The following SAP30BP variants were observed in gnomAD, a reference collection of about 807,000 sequenced individuals.
SAP30BP encodes SAP30-binding protein.
A neutral mutation model predicts 46.3 loss-of-function variants in SAP30BP; 31 were observed. The ratio of observed to expected loss-of-function variants is 0.67; its 90% CI spans 0.50 to 0.90. SAP30BP has a LOEUF of 0.90. Among genes scored for constraint, SAP30BP ranks in the 40% least tolerant of loss-of-function variants. The pLI is 0.00. For missense variants in SAP30BP, 312 were observed against 391.0 expected, an observed-to-expected ratio of 0.80 and a Z score of 1.70; for synonymous variants, 169 against 144.2, an observed-to-expected ratio of 1.17 and a Z score of -1.23.
intron 3 of SAP30BP, chr17:75,691,702 T>C (rs58765618): frequency 0.062 from 21,104 of 339,666 alleles, 2,248 homozygotes; most frequent in East Asian, 0.38. Context: ...GAGTGGGGGC[T>C]GGAGGGAGAG....
intron 3 of SAP30BP, among the ~76,000 whole-genome samples, chr17:75,674,628 T>G (rs772948877): frequency 6.6e-5 from 10 of 151,942 alleles, no homozygotes; most frequent in Admixed American, 6.6e-4. Context: ...TAACAATATT[T>G]TTTATATTCA....
intron 3 of SAP30BP, among the ~76,000 whole-genome samples, chr17:75,678,199 T>G (rs191036986): frequency 6.6e-6 from 1 of 152,222 alleles, no homozygotes; most frequent in African/African-American, 2.4e-5. Flanking sequence ...CTCATTTATT[T>G]TAAGGTTCAA....
chr17:75,690,060 T>C (rs1275313171), intron 3 of SAP30BP, among the ~76,000 whole-genome samples: 1 of 152,206 alleles, frequency 6.6e-6, no homozygotes, highest in Non-Finnish European at 1.5e-5. Context: ...ACCTTACTTA[T>C]CATTACACAA....
At chr17:75,678,050 T>G (rs1391709575) in intron 3 of SAP30BP, among the ~76,000 whole-genome samples, 1 of 152,140 alleles carries the variant, frequency 6.6e-6, no homozygotes, top group African/African-American at 2.4e-5. Flanking sequence ...GAGGGTGGGT[T>G]AGTATTCAGA....
At chr17:75,693,530 G>T (rs770608126) in intron 4 of SAP30BP, 48 bp downstream of exon 4, 2 of 1,585,966 alleles carry the variant, frequency 1.3e-6, no homozygotes, top group South Asian at 2.2e-5. Flanking sequence ...CTTGCTCCTA[G>T]CAGCCTGGCT....
In SAP30BP at chr17:75,704,862, A is replaced by G. The variant is rs762426837; in HGVS notation, c.660+48A>G. The G allele has an allele frequency of 1.1e-5, 16 of 1,460,834 alleles. No homozygotes were observed. The African/African-American group carries it at 1.8e-4, about 17-fold the overall frequency. The allele number at this position is 1,460,834 out of a possible 1,614,324, so 90.5% of individuals were successfully genotyped here. A position where few individuals can be genotyped will look rare whatever the true frequency, so the allele number is the denominator to read the frequency against. ...GATGAAAAAGGCACATGTGGAGTGC[A>G]TGGGTCCTGCTGGCTGAGCCCAGAA... On this transcript the variant is annotated intron_variant, in intron 9 of 10. Transcript: ENST00000584667.
rs148987774 is a variant in SAP30BP, at chr17:75,706,371, G to A, written c.777G>A (p.Ser259=). 119 of 1,613,776 alleles carry A rather than the reference G, an allele frequency of 7.4e-5. 1 individual carries two copies. The African/African-American group carries it at 1.1e-3, about 16-fold the overall frequency. Residue 259 remains serine, a synonymous_variant, in exon 11 of 11, where the codon TCG becomes TCA. Transcript: ENST00000584667. The surrounding 1 kb of genome is among the most constrained non-coding windows in gnomAD (Gnocchi z 4.6). The part of the protein sequence containing the change: ...DAQKRKSKWD[S]AIPVTTIAQP... Reference sequence around the variant, plus strand: ...AGAAGAGAAAGAGCAAGTGGGATTCGGCTATCCCAGTGACAACGATAGCCC... The same window carrying A: ...AGAAGAGAAAGAGCAAGTGGGATTCAGCTATCCCAGTGACAACGATAGCCC...
chr17:75,668,633 A>G lies in SAP30BP; in HGVS notation c.216+8A>G, dbSNP rs749966270. On this transcript the variant is annotated splice_region_variant and intron_variant, in intron 2 of 10. Coordinates refer to ENST00000584667, the MANE Select transcript of SAP30BP (RefSeq NM_013260.8). ...GAGAACAGTAGACAGTCGGTAGGTA[A>G]ATCTCCCAGATCCAGAGCTACTGAA... The G allele has an allele frequency of 6.5e-7, 1 of 1,535,304 alleles. No homozygotes were observed. The highest frequency in any genetic ancestry group is 1.7e-4 in the Middle Eastern group (1 of 5,906).
chr17:75,683,195 C>T (rs2060110371), intron 3 of SAP30BP, among the ~76,000 whole-genome samples: 1 of 150,774 alleles, frequency 6.6e-6, no homozygotes, highest in African/African-American at 2.4e-5. Context: ...AGGTGCACAC[C>T]ACCACGCCTG....
chr17:75,677,688 C>T (rs1205342482), intron 3 of SAP30BP, among the ~76,000 whole-genome samples: 1 of 149,202 alleles, frequency 6.7e-6, no homozygotes, highest in Non-Finnish European at 1.5e-5. Flanking sequence ...TCAAGTGATC[C>T]ACCCACCTCA....
intron 2 of SAP30BP, among the ~76,000 whole-genome samples, chr17:75,671,561 TG>T (rs1213086509): frequency 2.6e-5 from 4 of 152,224 alleles, no homozygotes; most frequent in Admixed American, 1.3e-4. Context: ...TCTTCATTGA[TG>T]TGGACTGTCT....
chr17:75,678,878 C>G (rs1019726823), intron 3 of SAP30BP, among the ~76,000 whole-genome samples: 2 of 152,144 alleles, frequency 1.3e-5, no homozygotes, highest in Non-Finnish European at 2.9e-5. Context: ...GCGCAGAATT[C>G]CACAGAAGTT....
At chr17:75,705,283 C>G (rs1391646226) in intron 9 of SAP30BP, 1 of 175,458 alleles carries the variant, frequency 5.7e-6, no homozygotes, top group Non-Finnish European at 1.2e-5. Flanking sequence ...CTGGGTTCTT[C>G]AGGGAGCATC....
chr17:75,667,620 A>C, intron 1 of SAP30BP, 142 bp downstream of exon 1: 2 of 664,286 alleles, frequency 3.0e-6, no homozygotes, highest in South Asian at 3.7e-5. Context: ...GGGGTGAGAT[A>C]GAGCATTAGA....
chr17:75,686,464 C>T (rs566798576), intron 3 of SAP30BP, among the ~76,000 whole-genome samples: 5 of 151,642 alleles, frequency 3.3e-5, no homozygotes, highest in African/African-American at 9.7e-5. Context: ...TGCAGTGAGC[C>T]GAGATTGCGC....
At chr17:75,703,077 T>C in intron 6 of SAP30BP, 1 of 567,416 alleles carries the variant, frequency 1.8e-6, no homozygotes, top group South Asian at 2.1e-5. Flanking sequence ...CTGTGCAGAC[T>C]GAAGGTCAGT....
At chr17:75,673,361 A>G (rs1041663866) in intron 3 of SAP30BP, among the ~76,000 whole-genome samples, 3 of 152,240 alleles carry the variant, frequency 2.0e-5, no homozygotes, top group African/African-American at 7.2e-5. Context: ...CCATAGTTCA[A>G]AGTCAGTCAC....
intron 2 of SAP30BP, among the ~76,000 whole-genome samples, chr17:75,669,986 T>A (rs900644441): frequency 6.6e-6 from 1 of 152,164 alleles, no homozygotes; most frequent in African/African-American, 2.4e-5. Flanking sequence ...ATATATTATT[T>A]GTTTGAAATT....
intron 3 of SAP30BP, among the ~76,000 whole-genome samples, chr17:75,677,828 A>T (rs1010227800): frequency 2.0e-5 from 3 of 147,364 alleles, no homozygotes; most frequent in Non-Finnish European, 1.5e-5. Flanking sequence ...TCTAAAGGCT[A>T]GCAGTTTACC....
Sources: allele counts gnomAD v4.1 joint callset (sites outside exome capture counted in the v4.1 genomes callset), GRCh38; gene constraint gnomAD v4.1.1; non-coding constraint Gnocchi (gnomAD v3.1); transcripts MANE v1.5; gene names NCBI Gene and HGNC (gene_info 2026-07-23, HGNC 2026-07-21).